Variants in MED27 observed in about 807,000 individuals in gnomAD.
MED27 encodes mediator of RNA polymerase II transcription subunit 27.
In MED27, 30 loss-of-function variants were observed where a neutral mutation model predicts 38.2. The observed-to-expected ratio is 0.79, with a 90% CI of 0.59 to 1.07. The LOEUF is 1.07. Among genes scored for constraint, MED27 ranks in the 50% least tolerant of loss-of-function variants. The pLI is 0.00. For synonymous variants in MED27, 122 were observed against 153.5 expected, an observed-to-expected ratio of 0.79 and a Z score of 1.52; for missense variants, 289 against 397.5, an observed-to-expected ratio of 0.73 and a Z score of 2.32.
chr9:131,955,680 T>C (rs1375152784), intron 3 of MED27, among the ~76,000 whole-genome samples: 1 of 152,218 alleles, frequency 6.6e-6, no homozygotes, highest in African/African-American at 2.4e-5. Flanking sequence ...ATAACTGACA[T>C]GAGAAGAAAT....
chr9:131,865,161 C>T (rs1043139561), intron 6 of MED27, among the ~76,000 whole-genome samples: 1 of 152,230 alleles, frequency 6.6e-6, no homozygotes, highest in Non-Finnish European at 1.5e-5. Context: ...TTGTAGCCAA[C>T]ACTGTTGAGA....
chr9:132,072,333 G>T (rs1833958802), intron 2 of MED27, among the ~76,000 whole-genome samples: 1 of 152,120 alleles, frequency 6.6e-6, no homozygotes, highest in Admixed American at 6.5e-5. Flanking sequence ...TACTCAAAAA[G>T]ATTTTTTTCC....
At chr9:131,899,253 A>C (rs1418938545) in intron 4 of MED27, among the ~76,000 whole-genome samples, 2 of 152,136 alleles carry the variant, frequency 1.3e-5, no homozygotes, top group Non-Finnish European at 2.9e-5. Flanking sequence ...TCCTTATGTT[A>C]ATTTTCCCTC....
chr9:132,052,578 TAA>T (rs11368029), intron 2 of MED27, among the ~76,000 whole-genome samples: 1 of 150,534 alleles, frequency 6.6e-6, no homozygotes, highest in African/African-American at 2.5e-5. Flanking sequence ...CTCTCTCTTT[TAA>T]AAAAAAAATA....
intron 2 of MED27, among the ~76,000 whole-genome samples, chr9:132,074,523 A>G (rs1216479532): frequency 6.6e-6 from 1 of 152,202 alleles, no homozygotes; most frequent in Non-Finnish European, 1.5e-5. Flanking sequence ...CCATTAACGC[A>G]CTTACTGGTT....
At chr9:131,966,373 G>A (rs1268935180) in intron 3 of MED27, among the ~76,000 whole-genome samples, 74 of 9,836 alleles carry the variant, frequency 7.5e-3, no homozygotes, top group Admixed American at 9.1e-3. Flanking sequence ...AAAAGAGCCA[G>A]ACCCTGTCAC....
chr9:131,931,003 T>G lies in MED27; in HGVS notation c.573+8378A>C, dbSNP rs189533133. On this transcript the variant is annotated intron_variant, in intron 4 of 7. Transcript: ENST00000292035. ...GCTCATGCCTGTAATCCCAGCACTT[T>G]GGGAAGCCAAGGGGGCAGACTGCTT... 3.4e-3 allele frequency among the ~76,000 whole-genome samples: 521 copies of G among 152,266 alleles called. 1 individual carries two copies. Among genetic ancestry groups the G allele is most frequent in the Non-Finnish European group, 5.9e-3 (404 of 68,018 alleles).
intron 2 of MED27, among the ~76,000 whole-genome samples, chr9:132,052,328 G>C (rs1001661594): frequency 6.6e-6 from 1 of 152,236 alleles, no homozygotes. Flanking sequence ...GTTGAATAAT[G>C]AAGGTTAAAT....
At position 131,865,912 on chromosome 9, in the gene MED27, G is replaced by T. The variant is rs1307246285; in HGVS notation, c.724-2772C>A. Among the ~76,000 whole-genome samples the T allele has an allele frequency of 3.3e-5, 5 of 152,080 alleles. No homozygotes were observed. In the East Asian group the frequency reaches 9.6e-4, roughly 29 times the overall value. On this transcript the variant is annotated intron_variant, in intron 6 of 7. Transcript: ENST00000292035. ...TAGGCTACTGTGAAGATCAAAGGGGGCCCAGCTTCTCCTCATCTCTGTGAG... is the reference window on the plus strand; with the variant it reads ...TAGGCTACTGTGAAGATCAAAGGGGTCCCAGCTTCTCCTCATCTCTGTGAG...
chr9:131,906,159 C>T (rs116280282), intron 4 of MED27, among the ~76,000 whole-genome samples: 2,031 of 152,252 alleles, frequency 0.013, 45 homozygotes, highest in African/African-American at 0.045. Context: ...TATTAAGTAC[C>T]CACCACGTGC....
chr9:131,883,793 A>G lies in MED27; in HGVS notation c.723+265T>C, dbSNP rs1429061989. On this transcript the variant is annotated intron_variant, in intron 6 of 7. Coordinates refer to ENST00000292035, the MANE Select transcript of MED27 (RefSeq NM_004269.4). The surrounding 1 kb of genome is among the most constrained non-coding windows in gnomAD (Gnocchi z 4.2). ...AACACCGCCACAATTAAGATAAAGAATATTCCCACCACCCCACACTCCCTT... is the reference window on the plus strand; with the variant it reads ...AACACCGCCACAATTAAGATAAAGAGTATTCCCACCACCCCACACTCCCTT... Among the ~76,000 whole-genome samples, 1 of 152,148 alleles carries G rather than the reference A, an allele frequency of 6.6e-6. No individual in the cohort carries two copies. The highest frequency in any genetic ancestry group is 2.4e-5 in the African/African-American group (1 of 41,418).
chr9:132,055,478 C>A (rs1042385827), intron 2 of MED27, among the ~76,000 whole-genome samples: 1 of 152,110 alleles, frequency 6.6e-6, no homozygotes. Flanking sequence ...CCATCGAAAA[C>A]CACATGAACA....
chr9:131,869,841 T>C (rs1838799650), intron 6 of MED27, among the ~76,000 whole-genome samples: 1 of 152,194 alleles, frequency 6.6e-6, no homozygotes, highest in Non-Finnish European at 1.5e-5. Flanking sequence ...AATGGTGACC[T>C]GCAGTGATTT....
intron 3 of MED27, among the ~76,000 whole-genome samples, chr9:131,966,990 A>C (rs1831364274): frequency 2.6e-5 from 4 of 152,244 alleles, no homozygotes. Flanking sequence ...CAGTTTCTTC[A>C]TCTGATAAAG....
At chr9:131,906,581 A>T (rs1245067504) in intron 4 of MED27, among the ~76,000 whole-genome samples, 54 of 152,182 alleles carry the variant, frequency 3.5e-4, no homozygotes, top group Non-Finnish European at 1.5e-5. Context: ...GGCATGTCTG[A>T]TGTGTGCTTT....
In MED27 at chr9:131,871,774, T is replaced by G. The variant is rs147216552; in HGVS notation, c.724-8634A>C. Among the ~76,000 whole-genome samples the G allele has an allele frequency of 8.6e-3, 1,309 of 152,326 alleles. 20 individuals are homozygous for G. The highest frequency in any genetic ancestry group is 0.03 in the African/African-American group (1,242 of 41,578). On this transcript the variant is annotated intron_variant, in intron 6 of 7. Coordinates refer to ENST00000292035, the MANE Select transcript of MED27 (RefSeq NM_004269.4). ...CATGTTGTCCAAGCTGGTCTTGAAC[T>G]CCTAGGCTCAAATGATCCTCCTGCC...
In MED27 at chr9:132,034,626, G is replaced by A. The variant is rs1253061418; in HGVS notation, c.349-20159C>T. On this transcript the variant is annotated intron_variant, in intron 2 of 7. Coordinates refer to ENST00000292035, the MANE Select transcript of MED27 (RefSeq NM_004269.4). ...GCGCGATAGCTTGGGTTTCTGACAC[G>A]GTACCAGAAAGCCACGCCCTCCTGT... Among the ~76,000 whole-genome samples the A allele has an allele frequency of 4.6e-5, 7 of 152,122 alleles. No individual in the cohort carries two copies. In the South Asian group the frequency reaches 6.2e-4, roughly 14 times the overall value.
intron 3 of MED27, among the ~76,000 whole-genome samples, chr9:131,965,283 C>T (rs1385274628): frequency 6.6e-6 from 1 of 152,138 alleles, no homozygotes; most frequent in Non-Finnish European, 1.5e-5. Flanking sequence ...TGAAACATAC[C>T]ACAGTGGAAT....
At chr9:131,922,442 C>CT (rs67385233) in intron 4 of MED27, among the ~76,000 whole-genome samples, 26 of 120,364 alleles carry the variant, frequency 2.2e-4, no homozygotes, top group Admixed American at 6.6e-4. Context: ...GCTTCTGTGT[C>CT]TTTTTTTTTT....
Sources: allele counts gnomAD v4.1 joint callset (sites outside exome capture counted in the v4.1 genomes callset), GRCh38; gene constraint gnomAD v4.1.1; non-coding constraint Gnocchi (gnomAD v3.1); transcripts MANE v1.5; gene names NCBI Gene and HGNC (gene_info 2026-07-23, HGNC 2026-07-21).